Variants in COL4A4 observed in about 807,000 individuals in gnomAD.
The protein encoded by COL4A4 is collagen alpha-4(IV) chain.
A neutral mutation model predicts 192.9 loss-of-function variants in COL4A4; 105 were observed. The ratio of observed to expected loss-of-function variants is 0.54; its 90% CI spans 0.46 to 0.64. COL4A4 has a LOEUF of 0.64. COL4A4 is among the 30% of genes least tolerant of loss of function. The pLI, the probability that COL4A4 is intolerant of heterozygous loss-of-function variation, is 0.00. For missense variants in COL4A4, 1,967 were observed against 2,169.3 expected, an observed-to-expected ratio of 0.91 and a Z score of 1.85; for synonymous variants, 762 against 769.9, an observed-to-expected ratio of 0.99 and a Z score of 0.17.
At position 227,003,634 on chromosome 2, in the gene COL4A4, G is replaced by T. The variant is rs1351284199; in HGVS notation, c.*3691C>A. 6.6e-6 allele frequency: 1 copy of T among 152,192 alleles called. No individual in the cohort carries two copies. The highest frequency in any genetic ancestry group is 1.5e-5 in the Non-Finnish European group (1 of 68,042). 9.4% of individuals were successfully genotyped at this position (152,192 alleles called of 1,614,324 possible). Reference sequence around the variant, plus strand: ...CAAAATAAGATGATAAAGCCCAATTGTAGTGCACCATTCCATTGACTATTT... The same window carrying T: ...CAAAATAAGATGATAAAGCCCAATTTTAGTGCACCATTCCATTGACTATTT... On this transcript the variant is annotated 3_prime_UTR_variant, in exon 48 of 48. Transcript: ENST00000396625.
At chr2:227,110,146 C>T (rs1292380504) in intron 9 of COL4A4, among the ~76,000 whole-genome samples, 1 of 152,162 alleles carries the variant, frequency 6.6e-6, no homozygotes, top group Non-Finnish European at 1.5e-5. Flanking sequence ...GGAAAGGTTA[C>T]AGCCAGGCTA....
chr2:227,088,911 C>T, intron 21 of COL4A4, 95 bp from the exon 22 acceptor site: 1 of 1,437,568 alleles, frequency 7.0e-7, no homozygotes, highest in East Asian at 2.3e-5. Context: ...AAATGAAGAA[C>T]AAAGAGTCCG....
At chr2:227,074,819 T>C (rs141584923) in intron 25 of COL4A4, among the ~76,000 whole-genome samples, 204 of 152,136 alleles carry the variant, frequency 1.3e-3, no homozygotes, top group African/African-American at 4.7e-3. Context: ...CCAAAAACTG[T>C]ATGTTCTCAC....
At chr2:227,061,259 T>C (rs1976961618) in intron 26 of COL4A4, among the ~76,000 whole-genome samples, 1 of 152,236 alleles carries the variant, frequency 6.6e-6, no homozygotes, top group African/African-American at 2.4e-5. Context: ...ACTCTGCTGA[T>C]ACGGAATTAT....
the COL4A4 span, among the ~76,000 whole-genome samples, chr2:226,994,291 AC>A: frequency 6.6e-6 from 1 of 152,210 alleles, no homozygotes; most frequent in Admixed American, 6.5e-5. Context: ...GGGGTCCCCT[AC>A]CATTTTAGAG....
chr2:227,005,022 T>TA lies in COL4A4; in HGVS notation c.*2302dup, dbSNP rs147569166. 135 of 152,356 alleles carry TA rather than the reference T, an allele frequency of 8.9e-4. No homozygotes were observed. Among genetic ancestry groups the TA allele is most frequent in the African/African-American group, 3.1e-3 (127 of 41,582 alleles). The allele number at this position is 152,356 out of a possible 1,614,324, so 9.4% of individuals were successfully genotyped here. Reference sequence around the variant, plus strand: ...AATGGTTTAAGGTAACAGGATCTTCTATTCCAAGAAGTTATTTTTCCGCCC... The same window carrying TA: ...AATGGTTTAAGGTAACAGGATCTTCTAATTCCAAGAAGTTATTTTTCCGCCC... On this transcript the variant is annotated 3_prime_UTR_variant, in exon 48 of 48. Transcript: ENST00000396625.
chr2:226,988,050 G>C, the COL4A4 span, among the ~76,000 whole-genome samples: 1 of 152,208 alleles, frequency 6.6e-6, no homozygotes, highest in African/African-American at 2.4e-5. Context: ...CTCTTAGGAT[G>C]AAAGTCATAG....
intron 22 of COL4A4, among the ~76,000 whole-genome samples, chr2:227,085,093 T>G (rs1269938160): frequency 6.6e-6 from 1 of 151,152 alleles, no homozygotes; most frequent in African/African-American, 2.4e-5. Flanking sequence ...ATTGCACCAT[T>G]GCACTCCAGC....
chr2:226,986,252 C>T, the COL4A4 span, among the ~76,000 whole-genome samples: 1 of 152,154 alleles, frequency 6.6e-6, no homozygotes, highest in East Asian at 1.9e-4. Context: ...ACAAAATGTA[C>T]TGTGGTCTCC....
intron 26 of COL4A4, among the ~76,000 whole-genome samples, chr2:227,061,188 T>TA (rs1454516429): frequency 2.6e-5 from 4 of 152,256 alleles, no homozygotes; most frequent in Non-Finnish European, 4.4e-5. Context: ...AACTTTTTTT[T>TA]ATCCACCCAT....
chr2:226,987,672 C>T, the COL4A4 span, among the ~76,000 whole-genome samples: 1 of 152,212 alleles, frequency 6.6e-6, no homozygotes, highest in Non-Finnish European at 1.5e-5. Flanking sequence ...GCCTGAGGCC[C>T]AGGGAGGGAA....
rs772959882 is a variant in COL4A4, at chr2:227,059,507, C to G, written c.2281G>C (p.Asp761His). Reference protein sequence around the residue: ...GVNGQKGIPGDPAFGHLGPPG... With the variant: ...GVNGQKGIPGHPAFGHLGPPG... ...GGTCCCAGGTGACCAAATGCAGGGT[C>G]TCCCGGGATTCCTTTCTGACCATTC... Residue 761 changes from aspartate to histidine, a missense_variant, in exon 28 of 48, where the codon GAC (aspartate) becomes CAC (histidine). Transcript: ENST00000396625. 1.2e-5 allele frequency: 20 copies of G among 1,614,036 alleles called. No individual in the cohort carries two copies. The highest frequency in any genetic ancestry group is 1.7e-6 in the Non-Finnish European group (2 of 1,180,012).
chr2:227,114,596 A>AT, intron 8 of COL4A4, 32 bp downstream of exon 8: 1 of 1,591,310 alleles, frequency 6.3e-7, no homozygotes, highest in Non-Finnish European at 8.6e-7. Flanking sequence ...GGAAGAAAAA[A>AT]TTTTTTAACC....
At chr2:227,038,438 G>A (rs1970125468) in intron 37 of COL4A4, among the ~76,000 whole-genome samples, 1 of 152,112 alleles carries the variant, frequency 6.6e-6, no homozygotes, top group Non-Finnish European at 1.5e-5. Flanking sequence ...ATCTGTTTTG[G>A]TACCAGTACC....
chr2:227,066,498 T>A (rs1251888239), intron 25 of COL4A4, among the ~76,000 whole-genome samples: 2 of 152,138 alleles, frequency 1.3e-5, no homozygotes, highest in Admixed American at 6.5e-5. Flanking sequence ...GGGAAGCCCA[T>A]CAGACTAACA....
At chr2:226,977,689 T>C in the COL4A4 span, among the ~76,000 whole-genome samples, 2 of 152,194 alleles carry the variant, frequency 1.3e-5, no homozygotes, top group Non-Finnish European at 2.9e-5. Context: ...CCCCAAATTA[T>C]ATAAAGAGCA....
chr2:227,110,680 CT>C (rs34785989), intron 9 of COL4A4, among the ~76,000 whole-genome samples: 13,659 of 94,170 alleles, frequency 0.15, 989 homozygotes, highest in African/African-American at 0.29. Flanking sequence ...CTCACCCAGT[CT>C]TTTTTTTTTT....
At chr2:227,045,768 C>CAA (rs544655010) in intron 35 of COL4A4, among the ~76,000 whole-genome samples, 137 of 56,950 alleles carry the variant, frequency 2.4e-3, no homozygotes, top group African/African-American at 0.011. Flanking sequence ...GACTCCATCT[C>CAA]AAAAAAAAAA....
chr2:227,018,654 G>C (rs1224031194), intron 44 of COL4A4, among the ~76,000 whole-genome samples: 5 of 152,210 alleles, frequency 3.3e-5, no homozygotes, highest in Non-Finnish European at 7.3e-5. Context: ...TGCTTCACCA[G>C]AACGACGGGG....
Sources: allele counts gnomAD v4.1 joint callset (sites outside exome capture counted in the v4.1 genomes callset), GRCh38; gene constraint gnomAD v4.1.1; transcripts MANE v1.5; gene names NCBI Gene and HGNC (gene_info 2026-07-23, HGNC 2026-07-21).